MCTP2: variants seen among roughly 807,000 people sequenced by gnomAD.
MCTP2 encodes the protein multiple C2 and transmembrane domain containing 2.
In MCTP2, 132 loss-of-function variants were observed where a neutral mutation model predicts 111.6. The observed-to-expected ratio is 1.18, with a 90% CI of 1.03 to 1.37. The LOEUF is 1.37. MCTP2 is among the 40% of genes most tolerant of loss of function. The probability of loss-of-function intolerance (pLI) is 0.00; values close to 1 mark genes in which losing one functional copy is unlikely to be tolerated. For synonymous variants in MCTP2, 395 were observed against 387.7 expected (o/e 1.02, Z -0.22); for missense variants, 1,183 against 1,067.9 (o/e 1.11, Z -1.50).
intron 1 of MCTP2, among the ~76,000 whole-genome samples, chr15:94,266,825 T>G (rs573009525): frequency 6.6e-6 from 1 of 152,198 alleles, no homozygotes; most frequent in Non-Finnish European, 1.5e-5. Flanking sequence ...AGCAGATAAA[T>G]GTAAAACTTG....
chr15:94,243,266 C>G lies in MCTP2; in HGVS notation c.-66+11602C>G, dbSNP rs895159982. Among the ~76,000 whole-genome samples the G allele has an allele frequency of 1.3e-5, 2 of 148,184 alleles. 1 individual carries two copies. Among genetic ancestry groups the G allele is most frequent in the African/African-American group, 5.0e-5 (2 of 40,262 alleles). On this transcript the variant is annotated intron_variant, in intron 1 of 22. Transcript: ENST00000357742. ...GCGTATATGCGTATATACATACATA[C>G]GTATGCGTACATACGTATGCGTATA...
At chr15:94,232,602 C>T (rs1449211910) in intron 1 of MCTP2, among the ~76,000 whole-genome samples, 2 of 152,148 alleles carry the variant, frequency 1.3e-5, no homozygotes, top group Non-Finnish European at 1.5e-5. Flanking sequence ...AACGGGCAGA[C>T]CTCTGAGAGC....
chr15:94,457,555 T>C (rs1321716933), intron 19 of MCTP2, among the ~76,000 whole-genome samples: 1 of 152,126 alleles, frequency 6.6e-6, no homozygotes, highest in African/African-American at 2.4e-5. Flanking sequence ...CAGTGCACTG[T>C]GGGGTTACTT....
At position 94,350,211 on chromosome 15, in the gene MCTP2, G is replaced by A. The variant is rs368222998; in HGVS notation, c.1005+5047G>A. On this transcript the variant is annotated intron_variant, in intron 8 of 22. Transcript: ENST00000357742. ...AGGAAGGGCAGGCCTTGGAGGCCAT[G>A]GCTCTGGCTCCTAACCATAAGGTGA... Among the ~76,000 whole-genome samples the A allele has an allele frequency of 2.4e-4, 37 of 152,336 alleles. No individual in the cohort carries two copies. The East Asian group carries it at 3.5e-3, about 14-fold the overall frequency.
intron 1 of MCTP2, among the ~76,000 whole-genome samples, chr15:94,255,462 T>C (rs1410569760): frequency 6.7e-6 from 1 of 149,262 alleles, no homozygotes; most frequent in Non-Finnish European, 1.5e-5. Flanking sequence ...TTTAGCAGTT[T>C]GACTTTCGTC....
intron 1 of MCTP2, among the ~76,000 whole-genome samples, chr15:94,244,177 CGT>C (rs1307065501): frequency 6.2e-5 from 9 of 144,090 alleles, no homozygotes; most frequent in Admixed American, 6.8e-5. Flanking sequence ...TATACACATA[CGT>C]ATGTGTATAT....
chr15:94,415,843 G>A (rs1442905999), intron 17 of MCTP2, among the ~76,000 whole-genome samples: 1 of 152,110 alleles, frequency 6.6e-6, no homozygotes, highest in African/African-American at 2.4e-5. Context: ...AGCTGATATA[G>A]CAATTTTATC....
intron 2 of MCTP2, among the ~76,000 whole-genome samples, chr15:94,307,049 C>T (rs559815351): frequency 1.6e-4 from 24 of 152,068 alleles, no homozygotes; most frequent in Admixed American, 5.9e-4. Flanking sequence ...CAGCTACATC[C>T]CAGGGTCCAT....
At chr15:94,468,058 T>TGAACA (rs2073553053) in intron 20 of MCTP2, among the ~76,000 whole-genome samples, 4 of 151,478 alleles carry the variant, frequency 2.6e-5, no homozygotes, top group Non-Finnish European at 2.9e-5. Context: ...CGAAAGTTTA[T>TGAACA]AATTTTTATG....
At chr15:94,368,010 G>C (rs1357630674) in intron 11 of MCTP2, among the ~76,000 whole-genome samples, 1 of 152,206 alleles carries the variant, frequency 6.6e-6, no homozygotes, top group African/African-American at 2.4e-5. Context: ...TATTTTGAAA[G>C]GCAAAAAGAG....
intron 17 of MCTP2, among the ~76,000 whole-genome samples, chr15:94,407,806 CACACACACACATGCAT>C (rs2081978660): frequency 1.5e-5 from 2 of 135,844 alleles, no homozygotes; most frequent in South Asian, 4.4e-4. Context: ...CACACACACA[CACACACACACATGCAT>C]GAACACGAAG....
chr15:94,353,787 A>G (rs1392507324), intron 8 of MCTP2, among the ~76,000 whole-genome samples: 1 of 152,166 alleles, frequency 6.6e-6, no homozygotes, highest in Admixed American at 6.5e-5. Context: ...TCAAAATCTC[A>G]TTTTTGTTTT....
Position 94,479,328 on chromosome 15 carries a change from A to C in MCTP2, c.*294A>C. The C allele has an allele frequency of 2.4e-6, 1 of 418,170 alleles. No homozygotes were observed. The highest frequency in any genetic ancestry group is 3.6e-5 in the East Asian group (1 of 27,968). The allele number at this position is 418,170 out of a possible 1,614,324, so 25.9% of individuals were successfully genotyped here. A position where few individuals can be genotyped will look rare whatever the true frequency, so the allele number is the denominator to read the frequency against. ...GATAACAAGGCTGCCATGGATCTGA[A>C]CACCACCTTCCTTGAGAACAGCCAG... is the stretch of plus-strand genomic sequence containing the variant. On this transcript the variant is annotated 3_prime_UTR_variant, in exon 23 of 23. Transcript: ENST00000357742.
At chr15:94,241,191 G>C (rs929987043) in intron 1 of MCTP2, among the ~76,000 whole-genome samples, 1 of 152,094 alleles carries the variant, frequency 6.6e-6, no homozygotes, top group African/African-American at 2.4e-5. Context: ...AAATGCAGAG[G>C]CTGGTGTAAA....
At chr15:94,311,395 T>C (rs922936597) in intron 2 of MCTP2, among the ~76,000 whole-genome samples, 1 of 152,160 alleles carries the variant, frequency 6.6e-6, no homozygotes, top group African/African-American at 2.4e-5. Flanking sequence ...AAATATTAAT[T>C]CTTCTCTTTT....
intron 1 of MCTP2, among the ~76,000 whole-genome samples, chr15:94,276,368 T>A (rs2074211499): frequency 6.6e-6 from 1 of 152,148 alleles, no homozygotes; most frequent in Admixed American, 6.5e-5. Context: ...GTAAAAAACC[T>A]AAATGAGTTT....
intron 12 of MCTP2, among the ~76,000 whole-genome samples, chr15:94,382,042 TTA>T (rs2080166952): frequency 6.6e-6 from 1 of 152,238 alleles, no homozygotes; most frequent in Admixed American, 6.5e-5. Flanking sequence ...AGTATTCCCT[TTA>T]TGAGTTCTGG....
chr15:94,341,649 G>T (rs1596407861), intron 7 of MCTP2: 1 of 152,074 alleles, frequency 6.6e-6, no homozygotes, highest in East Asian at 1.9e-4. Context: ...CATCACTTAT[G>T]CTTCTAGTTG....
intron 8 of MCTP2, among the ~76,000 whole-genome samples, chr15:94,349,979 C>G (rs2078215977): frequency 6.6e-6 from 1 of 152,150 alleles, no homozygotes; most frequent in Admixed American, 6.5e-5. Context: ...GTCCCCTGGA[C>G]CAGCCGCAGC....
Sources: gnomAD v4.1 joint callset for allele counts (sites outside exome capture counted in the v4.1 genomes callset) on GRCh38, gnomAD v4.1.1 for gene constraint, MANE v1.5 for transcripts, NCBI Gene and HGNC (gene_info 2026-07-23, HGNC 2026-07-21) for gene names.